MBTPS1: variants seen among roughly 807,000 people sequenced by gnomAD.
The protein encoded by MBTPS1 is membrane-bound transcription factor site-1 protease.
A neutral mutation model predicts 127.8 loss-of-function variants in MBTPS1; 94 were observed. The ratio of observed to expected loss-of-function variants is 0.74; its 90% CI spans 0.62 to 0.87. The LOEUF (loss-of-function observed/expected upper bound fraction) is 0.87, where lower values mean the gene tolerates loss of function less well. Among genes scored for constraint, MBTPS1 ranks in the 40% least tolerant of loss-of-function variants. MBTPS1 has a pLI of 0.00. For missense variants in MBTPS1, 1,636 were observed against 1,353.2 expected (o/e 1.21, Z -3.28); for synonymous variants, 632 against 509.4 (o/e 1.24, Z -3.24).
chr16:84,058,116 T>A (rs2085546968), intron 21 of MBTPS1: 1 of 152,258 alleles, frequency 6.6e-6, no homozygotes. Flanking sequence ...AATGGAAAAG[T>A]ACCCAGTGAT....
intron 1 of MBTPS1, among the ~76,000 whole-genome samples, chr16:84,102,593 T>G (rs373994894): frequency 6.6e-6 from 1 of 152,190 alleles, no homozygotes; most frequent in Non-Finnish European, 1.5e-5. Context: ...GGCATCAGGA[T>G]GATCCTTTGT....
chr16:84,101,625 T>C lies in MBTPS1; in HGVS notation c.159A>G (p.Glu53=), dbSNP rs1315953861. ...LKVEFSSTVV[E]YEYIVAFNGY... is the part of the protein sequence containing the mutation. ...TACTTAAGACAACATCATTACCATA[T>C]TCCACAACTGTTGATGAGAATTCCA... is the stretch of plus-strand genomic sequence containing the variant. The change falls in exon 2 of 23, where the codon GAA becomes GAG. Residue 53 remains glutamate, a synonymous_variant. Transcript: ENST00000343411. 3 of 1,612,844 alleles carry C rather than the reference T, an allele frequency of 1.9e-6. No homozygotes were observed. Among genetic ancestry groups the C allele is most frequent in the Admixed American group, 3.3e-5 (2 of 59,868 alleles).
chr16:84,077,183 C>A (rs888140512), intron 11 of MBTPS1, among the ~76,000 whole-genome samples: 6 of 137,856 alleles, frequency 4.4e-5, no homozygotes, highest in African/African-American at 1.7e-4. Context: ...TGAGATCATG[C>A]AACTACACTC....
At chr16:84,099,378 T>C (rs2086223853) in intron 2 of MBTPS1, 68 bp from the exon 3 acceptor site, 2 of 1,491,104 alleles carry the variant, frequency 1.3e-6, no homozygotes, top group Admixed American at 4.3e-5. Flanking sequence ...CTATATTGTA[T>C]CTAATCTAAA....
At chr16:84,090,813 C>T in intron 8 of MBTPS1, 62 bp downstream of exon 8, 2 of 1,198,390 alleles carry the variant, frequency 1.7e-6, no homozygotes, top group South Asian at 1.3e-5. Flanking sequence ...AAACAGATAA[C>T]AATTTTTCAG....
At chr16:84,080,254 T>C (rs971130555) in intron 11 of MBTPS1, among the ~76,000 whole-genome samples, 8 of 152,236 alleles carry the variant, frequency 5.3e-5, no homozygotes, top group Admixed American at 6.5e-5. Context: ...AGGACAGCTC[T>C]TCCTTCCAGG....
intron 12 of MBTPS1, among the ~76,000 whole-genome samples, chr16:84,073,423 C>T (rs960575152): frequency 3.3e-5 from 5 of 152,100 alleles, no homozygotes; most frequent in Admixed American, 6.5e-5. Flanking sequence ...TGAGCCAACA[C>T]GCCTGGCAGC....
chr16:84,097,837 CGTGTGTGTGTGT>C (rs71382894), intron 3 of MBTPS1, among the ~76,000 whole-genome samples: 7 of 143,026 alleles, frequency 4.9e-5, no homozygotes, highest in Non-Finnish European at 7.7e-5. Flanking sequence ...AACTTCTCTT[CGTGTGTGTGTGT>C]GTGTGTGTGT....
chr16:84,101,828 C>A lies in MBTPS1; in HGVS notation c.-45G>T. On this transcript the variant is annotated 5_prime_UTR_variant, in exon 2 of 23. Coordinates refer to ENST00000343411, the MANE Select transcript of MBTPS1 (RefSeq NM_003791.4). ...CATAAAATTGCATATATTCAAATCA[C>A]ACTTTTTTCTTCTTGATTAAAAGTG... The A allele has an allele frequency of 1.3e-6, 2 of 1,554,836 alleles. No homozygotes were observed. The highest frequency in any genetic ancestry group is 1.8e-6 in the Non-Finnish European group (2 of 1,140,866).
chr16:84,059,371 G>C lies in MBTPS1; in HGVS notation c.2762C>G (p.Pro921Arg), dbSNP rs760960275. The C allele has an allele frequency of 6.2e-7, 1 of 1,614,070 alleles. No homozygotes were observed. Among genetic ancestry groups the C allele is most frequent in the South Asian group, 1.1e-5 (1 of 91,080 alleles). Residue 921 changes from proline to arginine, a missense_variant, in exon 21 of 23, where the codon CCT (proline) becomes CGT (arginine). By Grantham distance (103) the Pro-to-Arg change is moderately radical. Coordinates refer to ENST00000343411, the MANE Select transcript of MBTPS1 (RefSeq NM_003791.4). ...GCGTGGACAGGCTGGTAGAGGCCGA[G>C]GTTTTGGGTCTCCCAAATGGGCCTC... The part of the protein sequence containing the change: ...VLEAHLGDPK[P>R]RPLPACPRLS...
At chr16:84,101,552 T>G in intron 2 of MBTPS1, 69 bp downstream of exon 2, 2 of 1,328,546 alleles carry the variant, frequency 1.5e-6, no homozygotes, top group Non-Finnish European at 2.1e-6. Context: ...CAGCAATAGC[T>G]AATTTTATAT....
chr16:84,065,471 T>C (rs1057206297), intron 18 of MBTPS1, among the ~76,000 whole-genome samples: 6 of 152,102 alleles, frequency 3.9e-5, no homozygotes, highest in South Asian at 2.1e-4. Flanking sequence ...GGTGATAAAA[T>C]TGTTCTGGAA....
chr16:84,070,866 C>G (rs1344713846), intron 12 of MBTPS1, 90 bp from the exon 13 acceptor site: 2 of 1,048,628 alleles, frequency 1.9e-6, no homozygotes, highest in African/African-American at 3.2e-5. Flanking sequence ...CTTACCAAAA[C>G]TGGTTCCGAG....
At chr16:84,074,789 A>G (rs2085828638) in intron 11 of MBTPS1, 48 bp from the exon 12 acceptor site, 2 of 1,543,880 alleles carry the variant, frequency 1.3e-6, no homozygotes, top group African/African-American at 1.4e-5. Context: ...AGAAAACTAC[A>G]ATGAAGCAAC....
chr16:84,071,096 T>C (rs1034813652), intron 12 of MBTPS1, among the ~76,000 whole-genome samples: 1 of 152,302 alleles, frequency 6.6e-6, no homozygotes, highest in East Asian at 1.9e-4. Flanking sequence ...TAAGAGAACT[T>C]ATATAGATGA....
intron 3 of MBTPS1, among the ~76,000 whole-genome samples, chr16:84,097,123 C>T (rs11859532): frequency 0.056 from 8,531 of 152,210 alleles, 756 homozygotes; most frequent in African/African-American, 0.19. Context: ...ATCTTCACCA[C>T]ATCTTTAACT....
intron 2 of MBTPS1, among the ~76,000 whole-genome samples, chr16:84,101,378 CT>C (rs1165819455): frequency 6.6e-6 from 1 of 151,650 alleles, no homozygotes; most frequent in East Asian, 1.9e-4. Context: ...ATAATCCCAG[CT>C]ACTTGGGAGG....
intron 1 of MBTPS1, among the ~76,000 whole-genome samples, chr16:84,114,518 T>C (rs62048234): frequency 6.6e-6 from 1 of 151,952 alleles, no homozygotes; most frequent in African/African-American, 2.4e-5. Context: ...AACTTCTAAC[T>C]TCCTTATTTT....
intron 1 of MBTPS1, among the ~76,000 whole-genome samples, chr16:84,107,708 AT>A (rs61479777): frequency 1.3e-3 from 184 of 144,446 alleles, no homozygotes; most frequent in Middle Eastern, 7.2e-3. Flanking sequence ...TCCTGGGCCT[AT>A]TTTTTTTTTT....
Sources: allele counts gnomAD v4.1 joint callset (sites outside exome capture counted in the v4.1 genomes callset), GRCh38; gene constraint gnomAD v4.1.1; transcripts MANE v1.5; gene names NCBI Gene and HGNC (gene_info 2026-07-23, HGNC 2026-07-21).